Variants in ZNF525 observed in about 807,000 individuals in gnomAD.
ZNF525 encodes the protein zinc finger protein 525.
In ZNF525, 33 loss-of-function variants were observed where a neutral mutation model predicts 37.6. The ratio of observed to expected loss-of-function variants is 0.88; its 90% CI spans 0.67 to 1.17. The LOEUF (loss-of-function observed/expected upper bound fraction) is 1.17, where lower values mean the gene tolerates loss of function less well. Ranked by LOEUF, ZNF525 falls within the 50% of genes most tolerant of loss-of-function variation. ZNF525 has a pLI of 0.00. For missense variants in ZNF525, 449 were observed against 543.1 expected (o/e 0.83, Z 1.72); for synonymous variants, 170 against 182.3 (o/e 0.93, Z 0.54).
chr19:53,380,074 A>G (rs1409461435), intron 3 of ZNF525, among the ~76,000 whole-genome samples: 1 of 152,082 alleles, frequency 6.6e-6, no homozygotes, highest in East Asian at 1.9e-4. Context: ...AGGTAATTTT[A>G]TGACAGTTAT....
intron 3 of ZNF525, chr19:53,376,126 T>A (rs1260959009): frequency 4.9e-6 from 5 of 1,030,676 alleles, no homozygotes; most frequent in Non-Finnish European, 7.3e-6. Context: ...TTAGTTTCTT[T>A]TTTTAGAGAC....
chr19:53,374,781 A>G (rs1410734468), intron 2 of ZNF525, among the ~76,000 whole-genome samples: 1 of 152,164 alleles, frequency 6.6e-6, no homozygotes, highest in Non-Finnish European at 1.5e-5. Flanking sequence ...TTGTATTAAC[A>G]TCTAGTTTTT....
chr19:53,382,733 A>G lies in ZNF525; in HGVS notation c.*714A>G, dbSNP rs2085576236. On this transcript the variant is annotated 3_prime_UTR_variant, in exon 4 of 4. Transcript: ENST00000474037. ...AATCCATAATAAAGAGAGACCTTAC[A>G]AGTGTGATAAATGTGACAAATTTTT... The G allele has an allele frequency of 1.1e-5, 9 of 799,462 alleles. No homozygotes were observed. The highest frequency in any genetic ancestry group is 9.8e-5 in the Admixed American group (5 of 51,060). 49.5% of individuals were successfully genotyped at this position (799,462 alleles called of 1,614,324 possible).
chr19:53,369,087 C>T (rs1600010127), intron 1 of ZNF525, among the ~76,000 whole-genome samples: 1 of 152,088 alleles, frequency 6.6e-6, no homozygotes, highest in Admixed American at 6.5e-5. Context: ...GAAATAGGCC[C>T]TCGGTAAAAG....
intron 3 of ZNF525, among the ~76,000 whole-genome samples, chr19:53,377,657 C>T (rs565522442): frequency 1.5e-4 from 23 of 151,326 alleles, no homozygotes; most frequent in African/African-American, 3.2e-4. Context: ...CAGGTTCAAG[C>T]GATTCTCCTG....
intron 2 of ZNF525, among the ~76,000 whole-genome samples, chr19:53,373,836 G>A (rs1011172145): frequency 1.3e-5 from 2 of 150,320 alleles, no homozygotes; most frequent in Non-Finnish European, 3.0e-5. Flanking sequence ...AAAAAAAATA[G>A]TTTTTATATT....
rs762072961 is a variant in ZNF525, at chr19:53,381,840, C to T, written c.1261C>T (p.Arg421Cys). 3.3e-5 allele frequency: 34 copies of T among 1,028,950 alleles called. No individual in the cohort carries two copies. The highest frequency in any genetic ancestry group is 1.2e-4 in the East Asian group (5 of 41,262). 63.7% of individuals were successfully genotyped at this position (1,028,950 alleles called of 1,614,324 possible). The change falls in exon 4 of 4, where the codon CGT (arginine) becomes TGT (cysteine). Residue 421 changes from arginine (R) to cysteine (C), a missense_variant. Arg to Cys is a radical substitution (Grantham distance 180). Coordinates refer to ENST00000474037, the MANE Select transcript of ZNF525 (RefSeq NM_001348156.2). ...YKCEECDEAF[R>C]FKSSLERHRR... ...GTGTGAAGAATGTGATGAAGCTTTC[C>T]GTTTCAAATCAAGTCTTGAAAGACA...
In ZNF525 at chr19:53,367,996, A is replaced by G. The variant is rs73057069; in HGVS notation, c.-68+2237A>G. 3.3e-3 allele frequency among the ~76,000 whole-genome samples: 506 copies of G among 152,260 alleles called. 1 individual carries two copies. The highest frequency in any genetic ancestry group is 5.2e-3 in the South Asian group (25 of 4,828). On this transcript the variant is annotated intron_variant, in intron 1 of 3. Transcript: ENST00000474037. ...TTAGTCTTTCAGGGGGCCAGTCTGTATCTTTCTAATCTTCTATTTTTATGT... is the reference window on the plus strand; with the variant it reads ...TTAGTCTTTCAGGGGGCCAGTCTGTGTCTTTCTAATCTTCTATTTTTATGT...
chr19:53,379,664 C>T (rs918341357), intron 3 of ZNF525, among the ~76,000 whole-genome samples: 6 of 152,124 alleles, frequency 3.9e-5, no homozygotes, highest in African/African-American at 7.2e-5. Flanking sequence ...TAAAGCTTTT[C>T]GGTATGTGGT....
intron 3 of ZNF525, 134 bp downstream of exon 3, chr19:53,376,030 C>A: frequency 6.4e-7 from 1 of 1,550,674 alleles, no homozygotes; most frequent in East Asian, 2.3e-5. Flanking sequence ...TCACTGCAAT[C>A]TTGAATTCCT....
chr19:53,384,942 G>A lies in ZNF525; in HGVS notation c.*2923G>A. On this transcript the variant is annotated 3_prime_UTR_variant, in exon 4 of 4. Transcript: ENST00000474037. Reference sequence around the variant, plus strand: ...TCATGGATGTTCTTTCTATTGTTGAGGTAAATTTCCTTTTCTATTTTGTTT... The same window carrying A: ...TCATGGATGTTCTTTCTATTGTTGAAGTAAATTTCCTTTTCTATTTTGTTT... The A allele has an allele frequency of 1.4e-6, 1 of 700,576 alleles. No homozygotes were observed. Among genetic ancestry groups the A allele is most frequent in the Non-Finnish European group, 2.6e-6 (1 of 384,260 alleles). 43.4% of individuals were successfully genotyped at this position (700,576 alleles called of 1,614,324 possible).
At chr19:53,373,652 A>G (rs1345338861) in intron 2 of ZNF525, among the ~76,000 whole-genome samples, 1 of 144,448 alleles carries the variant, frequency 6.9e-6, no homozygotes, top group Non-Finnish European at 1.5e-5. Context: ...AGTAAATTAC[A>G]AAATTTTTTT....
intron 1 of ZNF525, among the ~76,000 whole-genome samples, chr19:53,367,678 T>G (rs1191168812): frequency 2.6e-5 from 4 of 152,180 alleles, no homozygotes; most frequent in Non-Finnish European, 5.9e-5. Context: ...ATGGGATAAT[T>G]TTTTCATACT....
intron 2 of ZNF525, among the ~76,000 whole-genome samples, chr19:53,374,225 C>T: frequency 6.8e-6 from 1 of 147,430 alleles, no homozygotes; most frequent in Non-Finnish European, 1.5e-5. Flanking sequence ...CTCCCACTCT[C>T]CCCACTCTCA....
intron 3 of ZNF525, chr19:53,376,403 C>A (rs1276082854): frequency 6.1e-6 from 4 of 655,298 alleles, no homozygotes; most frequent in Non-Finnish European, 1.1e-5. Context: ...ATGCAGAAGA[C>A]CTTACCATTG....
rs1294919953 is a variant in ZNF525, at chr19:53,376,165, C to T, written c.142+269C>T. On this transcript the variant is annotated intron_variant, in intron 3 of 3. Transcript: ENST00000474037. Reference sequence around the variant, plus strand: ...TTCTTGCTGTGCGGTTGAAGTTGGTCTTGATCTCCTGGGCTCAAGACATCC... The same window carrying T: ...TTCTTGCTGTGCGGTTGAAGTTGGTTTTGATCTCCTGGGCTCAAGACATCC... The T allele has an allele frequency of 7.2e-6, 6 of 830,074 alleles. No homozygotes were observed. The East Asian group carries it at 1.6e-4, about 22-fold the overall frequency. The allele number at this position is 830,074 out of a possible 1,614,324, so 51.4% of individuals were successfully genotyped here.
At chr19:53,375,167 G>T (rs1364713802) in intron 2 of ZNF525, among the ~76,000 whole-genome samples, 1 of 152,072 alleles carries the variant, frequency 6.6e-6, no homozygotes, top group Non-Finnish European at 1.5e-5. Context: ...TGGGATAACA[G>T]GCATGTGCCA....
At chr19:53,376,249 CTTT>C (rs1295422073) in intron 3 of ZNF525, 1 of 705,334 alleles carries the variant, frequency 1.4e-6, no homozygotes, top group East Asian at 2.7e-5. Context: ...TAACTATTGG[CTTT>C]TGTTTTTAAA....
chr19:53,386,434 C>A lies in ZNF525; in HGVS notation c.*4415C>A. 1.3e-6 allele frequency: 1 copy of A among 743,646 alleles called. No homozygotes were observed. Among genetic ancestry groups the A allele is most frequent in the Non-Finnish European group, 2.4e-6 (1 of 422,170 alleles). 46.1% of individuals were successfully genotyped at this position (743,646 alleles called of 1,614,324 possible). A position where few individuals can be genotyped will look rare whatever the true frequency, so the allele number is the denominator to read the frequency against. ...ACACATATTTATGCTGTCTGAGCATCACAATCACGTTACCATATCAAGCTG... is the reference window on the plus strand; with the variant it reads ...ACACATATTTATGCTGTCTGAGCATAACAATCACGTTACCATATCAAGCTG... On this transcript the variant is annotated 3_prime_UTR_variant, in exon 4 of 4. Coordinates refer to ENST00000474037, the MANE Select transcript of ZNF525 (RefSeq NM_001348156.2).
Sources: gnomAD v4.1 joint callset for allele counts (sites outside exome capture counted in the v4.1 genomes callset) on GRCh38, gnomAD v4.1.1 for gene constraint, MANE v1.5 for transcripts, NCBI Gene and HGNC (gene_info 2026-07-23, HGNC 2026-07-21) for gene names.